Variants in IMMP2L observed in about 807,000 individuals in gnomAD.
IMMP2L encodes mitochondrial inner membrane protease subunit 2.
IMMP2L carries 18 observed loss-of-function variants against 19.3 expected under a neutral mutation model. That is an observed-to-expected ratio of 0.93 (90% CI 0.64 to 1.38). The LOEUF is 1.38. Among genes scored for constraint, IMMP2L ranks in the 40% most tolerant of loss-of-function variants. The pLI is 0.00. For synonymous variants in IMMP2L, 76 were observed against 73.0 expected (o/e 1.04, Z -0.21); for missense variants, 233 against 218.2 (o/e 1.07, Z -0.43).
intron 3 of IMMP2L, among the ~76,000 whole-genome samples, chr7:111,005,868 T>A (rs557905607): frequency 2.0e-5 from 3 of 152,324 alleles, no homozygotes; most frequent in Non-Finnish European, 4.4e-5. Context: ...CAATCATTCT[T>A]TCTAGCTTCA....
At chr7:111,357,856 T>A (rs1480040880) in intron 3 of IMMP2L, among the ~76,000 whole-genome samples, 1 of 151,952 alleles carries the variant, frequency 6.6e-6, no homozygotes, top group Non-Finnish European at 1.5e-5. Context: ...AATCTTCCCA[T>A]GAGCATGGAA....
intron 4 of IMMP2L, among the ~76,000 whole-genome samples, chr7:110,948,178 CT>C (rs982933448): frequency 6.6e-6 from 1 of 152,074 alleles, no homozygotes; most frequent in East Asian, 1.9e-4. Context: ...ACTAGAGATA[CT>C]TTTTTTAAAA....
At chr7:111,271,817 T>C (rs1459522488) in intron 3 of IMMP2L, among the ~76,000 whole-genome samples, 2 of 152,134 alleles carry the variant, frequency 1.3e-5, no homozygotes, top group East Asian at 3.9e-4. Flanking sequence ...CAGAAAAAAA[T>C]GACACCACCA....
At chr7:111,051,331 T>C (rs1042759399) in intron 3 of IMMP2L, among the ~76,000 whole-genome samples, 8 of 152,142 alleles carry the variant, frequency 5.3e-5, no homozygotes, top group Admixed American at 3.9e-4. Context: ...CTGAATATTT[T>C]CCCTGGGGAG....
At chr7:111,358,535 C>T (rs2130961522) in intron 3 of IMMP2L, among the ~76,000 whole-genome samples, 1 of 151,940 alleles carries the variant, frequency 6.6e-6, no homozygotes, top group East Asian at 1.9e-4. Flanking sequence ...AGTCAGAAAC[C>T]CCAAAGTATC....
chr7:111,481,676 A>G (rs2132213517), intron 3 of IMMP2L, among the ~76,000 whole-genome samples: 1 of 152,048 alleles, frequency 6.6e-6, no homozygotes, highest in South Asian at 2.1e-4. Flanking sequence ...ACTCTTACCA[A>G]CACCAGGTGT....
rs184189341 is a variant in IMMP2L at position 110,687,816 on chromosome 7, T to A, written c.409-24095A>T. On this transcript the variant is annotated intron_variant, in intron 5 of 5. Transcript: ENST00000405709. Reference sequence around the variant, plus strand: ...TCCCTACTCACACACTTTTCTGTGATGTAATCTTTCCACCCACTCATCTCA... The same window carrying A: ...TCCCTACTCACACACTTTTCTGTGAAGTAATCTTTCCACCCACTCATCTCA... Among the ~76,000 whole-genome samples, 7 of 152,128 alleles carry A rather than the reference T, an allele frequency of 4.6e-5. No homozygotes were observed. The East Asian group carries it at 1.4e-3, about 30-fold the overall frequency.
intron 3 of IMMP2L, among the ~76,000 whole-genome samples, chr7:111,309,823 C>T (rs550469034): frequency 2.6e-5 from 4 of 151,992 alleles, no homozygotes; most frequent in Non-Finnish European, 4.4e-5. Context: ...GAAGTAATGC[C>T]GCATCCCATT....
chr7:111,229,809 T>C (rs539798871), intron 3 of IMMP2L, among the ~76,000 whole-genome samples: 2 of 152,186 alleles, frequency 1.3e-5, no homozygotes, highest in Non-Finnish European at 1.5e-5. Context: ...TTTCACTTAG[T>C]TGGAAAATGA....
intron 3 of IMMP2L, among the ~76,000 whole-genome samples, chr7:111,419,297 G>A (rs1346762204): frequency 6.6e-6 from 1 of 151,556 alleles, no homozygotes; most frequent in Non-Finnish European, 1.5e-5. Flanking sequence ...CTGTAGCTCT[G>A]TTTCTCTGAT....
chr7:111,470,056 T>A (rs1440373766), intron 3 of IMMP2L, among the ~76,000 whole-genome samples: 1 of 151,904 alleles, frequency 6.6e-6, no homozygotes, highest in Admixed American at 6.6e-5. Context: ...CATCAAAAAG[T>A]GGGTGAAGGA....
intron 5 of IMMP2L, among the ~76,000 whole-genome samples, chr7:110,752,441 T>C (rs995780462): frequency 6.6e-6 from 1 of 152,098 alleles, no homozygotes; most frequent in Non-Finnish European, 1.5e-5. Flanking sequence ...AACTTTTCTA[T>C]TTATATATAC....
chr7:111,115,112 A>T (rs1329004984), intron 3 of IMMP2L, among the ~76,000 whole-genome samples: 2 of 152,168 alleles, frequency 1.3e-5, no homozygotes, highest in East Asian at 3.9e-4. Context: ...TACATTTGGG[A>T]CCATATAAAT....
chr7:110,807,323 T>C (rs1042158351), intron 5 of IMMP2L, among the ~76,000 whole-genome samples: 1 of 151,996 alleles, frequency 6.6e-6, no homozygotes, highest in Non-Finnish European at 1.5e-5. Context: ...CAGGAGGACA[T>C]TTCTTTGGCC....
chr7:110,787,937 G>A (rs1454920649), intron 5 of IMMP2L, among the ~76,000 whole-genome samples: 1 of 151,874 alleles, frequency 6.6e-6, no homozygotes, highest in Admixed American at 6.6e-5. Context: ...GAAGAATACA[G>A]GTCTATATGA....
intron 3 of IMMP2L, among the ~76,000 whole-genome samples, chr7:111,372,180 C>T (rs1830313845): frequency 6.6e-6 from 1 of 151,812 alleles, no homozygotes. Flanking sequence ...GAAATGGATA[C>T]CCCATTTTAT....
intron 5 of IMMP2L, among the ~76,000 whole-genome samples, chr7:110,867,856 A>T (rs961982046): frequency 6.6e-6 from 1 of 151,966 alleles, no homozygotes; most frequent in Non-Finnish European, 1.5e-5. Context: ...TTGATTTCTG[A>T]AACGCCTGAA....
chr7:111,038,595 G>C (rs1314675993), intron 3 of IMMP2L, among the ~76,000 whole-genome samples: 2 of 151,984 alleles, frequency 1.3e-5, no homozygotes, highest in Non-Finnish European at 2.9e-5. Context: ...GAGGAGTTCT[G>C]GTTTGTTCAG....
intron 3 of IMMP2L, among the ~76,000 whole-genome samples, chr7:111,465,349 C>T (rs1184405272): frequency 2.6e-5 from 4 of 151,860 alleles, no homozygotes; most frequent in African/African-American, 9.7e-5. Flanking sequence ...TTCCTGGGGT[C>T]TATTCCGGCT....
Sources: gnomAD v4.1 joint callset for allele counts (sites outside exome capture counted in the v4.1 genomes callset) on GRCh38, gnomAD v4.1.1 for gene constraint, MANE v1.5 for transcripts, NCBI Gene and HGNC (gene_info 2026-07-23, HGNC 2026-07-21) for gene names.